SMARCA2: variants seen among roughly 807,000 people sequenced by gnomAD.
SMARCA2 encodes SWI/SNF-related matrix-associated actin-dependent regulator of chromatin subfamily A member 2.
SMARCA2 carries 61 observed loss-of-function variants against 199.8 expected under a neutral mutation model. The observed-to-expected ratio is 0.31, with a 90% confidence interval of 0.25 to 0.38. The LOEUF is 0.38. Among genes scored for constraint, SMARCA2 ranks in the 10% least tolerant of loss-of-function variants. The pLI, the probability that SMARCA2 is intolerant of heterozygous loss-of-function variation, is 1.00. For missense variants in SMARCA2, 1,344 were observed against 2,012.2 expected, an observed-to-expected ratio of 0.67 and a Z score of 6.35; for synonymous variants, 935 against 732.0, an observed-to-expected ratio of 1.28 and a Z score of -4.48.
At position 2,029,180 on chromosome 9, in the gene SMARCA2, T is replaced by G; in HGVS notation, c.158T>G (p.Val53Gly). 6.2e-7 allele frequency: 1 copy of G among 1,613,518 alleles called. No individual in the cohort carries two copies. The highest frequency in any genetic ancestry group is 8.5e-7 in the Non-Finnish European group (1 of 1,179,756). The change falls in exon 2 of 34, where the codon GTC becomes GGC. Residue 53 changes from valine to glycine, a missense_variant. Around this residue, in one of 18 missense-constraint regions of SMARCA2, gnomAD observed 275 missense variants for 247.5 expected, o/e 1.11. Transcript: ENST00000349721. Reference protein sequence around the residue: ...MMGPSPGPPSVSHPMPTMGST... With the variant: ...MMGPSPGPPSGSHPMPTMGST... ...GGGCCAAGTCCTGGACCTCCAAGTG[T>G]CTCCCATCCTATGCCGACGATGGGG... is the stretch of plus-strand genomic sequence containing the variant.
chr9:2,165,387 A>G (rs566847400), intron 28 of SMARCA2, among the ~76,000 whole-genome samples: 1 of 152,314 alleles, frequency 6.6e-6, no homozygotes, highest in East Asian at 1.9e-4. Context: ...CTTTTTAGTC[A>G]GTGATAGGAC....
intron 28 of SMARCA2, among the ~76,000 whole-genome samples, chr9:2,166,223 C>T (rs940813322): frequency 4.6e-5 from 7 of 152,172 alleles, no homozygotes; most frequent in Admixed American, 2.6e-4. Flanking sequence ...GGCCACATTC[C>T]AGTCTCCTAG....
chr9:2,040,956 TTTG>T, intron 4 of SMARCA2: 1 of 160,834 alleles, frequency 6.2e-6, no homozygotes, highest in African/African-American at 2.4e-5. Context: ...TAATGAAAAC[TTTG>T]GATTCTAGGG....
intron 21 of SMARCA2, 70 bp downstream of exon 21, chr9:2,097,541 C>CA (rs1181970219): frequency 1.1e-6 from 1 of 919,240 alleles, no homozygotes; most frequent in Non-Finnish European, 1.6e-6. Context: ...AAAAAACAAA[C>CA]AAACAGGAAA....
intron 2 of SMARCA2, 161 bp from the exon 3 acceptor site, chr9:2,032,791 A>T: frequency 1.8e-6 from 1 of 542,338 alleles, no homozygotes; most frequent in Non-Finnish European, 3.2e-6. Context: ...ACTTACAGAT[A>T]GTTTGCTGAT....
chr9:2,159,003 T>G, intron 27 of SMARCA2: 3 of 1,611,318 alleles, frequency 1.9e-6, no homozygotes, highest in Non-Finnish European at 2.5e-6. Context: ...TGTTTCCTTG[T>G]AATTCCAAAA....
intron 27 of SMARCA2, chr9:2,157,876 G>A (rs917262330): frequency 5.0e-6 from 2 of 398,624 alleles, no homozygotes; most frequent in Non-Finnish European, 8.8e-6. Context: ...CCGTCACGCA[G>A]TAAAGATGTG....
chr9:2,138,740 A>G (rs1306545238), intron 27 of SMARCA2, among the ~76,000 whole-genome samples: 1 of 152,130 alleles, frequency 6.6e-6, no homozygotes, highest in African/African-American at 2.4e-5. Context: ...CATTGGAGTC[A>G]TGAAATGGGG....
intron 12 of SMARCA2, chr9:2,075,223 GC>G (rs1232979307): frequency 6.6e-6 from 1 of 152,664 alleles, no homozygotes; most frequent in African/African-American, 2.4e-5. Context: ...CAAGGCCTTA[GC>G]TGACTCCCTG....
chr9:2,032,191 C>G (rs1197379647), intron 2 of SMARCA2, among the ~76,000 whole-genome samples: 1 of 152,184 alleles, frequency 6.6e-6, no homozygotes, highest in Non-Finnish European at 1.5e-5. Flanking sequence ...TTGAAAATTG[C>G]TATTACAGTT....
chr9:2,063,248 G>A (rs1214429407), intron 9 of SMARCA2, among the ~76,000 whole-genome samples: 2 of 152,176 alleles, frequency 1.3e-5, no homozygotes, highest in Non-Finnish European at 2.9e-5. Flanking sequence ...TCTCTTTTGC[G>A]GGGCTTTAAG....
chr9:2,074,791 C>T (rs774381025), intron 12 of SMARCA2, among the ~76,000 whole-genome samples: 24 of 152,170 alleles, frequency 1.6e-4, no homozygotes, highest in Non-Finnish European at 3.5e-4. Context: ...GGCTTGAGCC[C>T]TGGGCAGAGA....
intron 31 of SMARCA2, among the ~76,000 whole-genome samples, 190 bp from the exon 32 acceptor site, chr9:2,185,906 T>TTCTGTATGAATGTGTATG (rs1409007826): frequency 1.3e-5 from 2 of 152,232 alleles, no homozygotes; most frequent in African/African-American, 4.8e-5. Context: ...CATTTGGACT[T>TTCTGTATGAATGTGTATG]TCTGTATGAA....
intron 27 of SMARCA2, among the ~76,000 whole-genome samples, chr9:2,157,045 C>A (rs960548754): frequency 6.6e-6 from 1 of 152,036 alleles, no homozygotes; most frequent in Non-Finnish European, 1.5e-5. Context: ...TGTCCAAAGC[C>A]CTGAGTCTGA....
chr9:2,159,622 G>A (rs1470880858), intron 27 of SMARCA2: 3 of 577,474 alleles, frequency 5.2e-6, no homozygotes, highest in Admixed American at 6.7e-5. Flanking sequence ...ATAATAAGGG[G>A]AAAAAAATAT....
chr9:2,169,830 G>C lies in SMARCA2; in HGVS notation c.4200-589G>C, dbSNP rs1436979599. Among the ~76,000 whole-genome samples, 2 of 152,098 alleles carry C rather than the reference G, an allele frequency of 1.3e-5. No individual in the cohort carries two copies. Among genetic ancestry groups the C allele is most frequent in the Non-Finnish European group, 2.9e-5 (2 of 68,014 alleles). On this transcript the variant is annotated intron_variant, in intron 28 of 33. Coordinates refer to ENST00000349721, the MANE Select transcript of SMARCA2 (RefSeq NM_003070.5). The surrounding 1 kb of genome is among the most constrained non-coding windows in gnomAD (Gnocchi z 6.5). Reference sequence around the variant, plus strand: ...AGAAGTGCCCAAGACGCCAGGTGGTGGTTTATTTTCATTTCCCACTAAAGA... The same window carrying C: ...AGAAGTGCCCAAGACGCCAGGTGGTCGTTTATTTTCATTTCCCACTAAAGA...
chr9:2,071,035 C>T (rs1821065206), intron 10 of SMARCA2, among the ~76,000 whole-genome samples: 1 of 152,054 alleles, frequency 6.6e-6, no homozygotes, highest in Non-Finnish European at 1.5e-5. Context: ...GGATTTTTTT[C>T]TGAAGAATTT....
At chr9:2,179,462 C>T (rs558125551) in intron 29 of SMARCA2, among the ~76,000 whole-genome samples, 4 of 152,204 alleles carry the variant, frequency 2.6e-5, no homozygotes, top group East Asian at 1.9e-4. Flanking sequence ...GTTTATTTCT[C>T]ATTTTACAGT....
At chr9:2,064,359 G>A (rs1232659599) in intron 9 of SMARCA2, among the ~76,000 whole-genome samples, 1 of 152,230 alleles carries the variant, frequency 6.6e-6, no homozygotes, top group Non-Finnish European at 1.5e-5. Flanking sequence ...CAATAGGAAT[G>A]TTGTCTACCC....
Sources: allele counts gnomAD v4.1 joint callset (sites outside exome capture counted in the v4.1 genomes callset), GRCh38; gene constraint gnomAD v4.1.1; regional missense constraint gnomAD v4.1.1; non-coding constraint Gnocchi (gnomAD v3.1); transcripts MANE v1.5; gene names NCBI Gene and HGNC (gene_info 2026-07-23, HGNC 2026-07-21).